Variants in MELK observed in about 807,000 individuals in gnomAD.
MELK encodes maternal embryonic leucine zipper kinase.
A neutral mutation model predicts 85.0 loss-of-function variants in MELK; 81 were observed. The ratio of observed to expected loss-of-function variants is 0.95; its 90% CI spans 0.80 to 1.15. The LOEUF (loss-of-function observed/expected upper bound fraction) is 1.15, where lower values mean the gene tolerates loss of function less well. Among genes scored for constraint, MELK ranks in the 50% most tolerant of loss-of-function variants. The pLI, the probability that MELK is intolerant of heterozygous loss-of-function variation, is 0.00. For missense variants in MELK, 754 were observed against 777.5 expected (o/e 0.97, Z 0.36); for synonymous variants, 252 against 265.0 (o/e 0.95, Z 0.48).
chr9:36,591,083 C>T lies in MELK; in HGVS notation c.261+1431C>T, dbSNP rs1435301268. 2.0e-5 allele frequency among the ~76,000 whole-genome samples: 3 copies of T among 152,042 alleles called. No homozygotes were observed. The East Asian group carries it at 5.8e-4, about 29-fold the overall frequency. On this transcript the variant is annotated intron_variant, in intron 4 of 17. Coordinates refer to ENST00000298048, the MANE Select transcript of MELK (RefSeq NM_014791.4). ...CTCCAGCCTGGGTGACAGAACAAAC[C>T]CCTGTCTCTAAAAAATAAAAACAAA...
At chr9:36,598,158 T>C (rs1177301982) in intron 6 of MELK, among the ~76,000 whole-genome samples, 2 of 152,208 alleles carry the variant, frequency 1.3e-5, no homozygotes, top group Non-Finnish European at 2.9e-5. Flanking sequence ...TGGAACCTTT[T>C]TTCTGGGAAC....
chr9:36,588,468 C>T (rs1357828389), intron 3 of MELK, among the ~76,000 whole-genome samples: 1 of 150,086 alleles, frequency 6.7e-6, no homozygotes, highest in Non-Finnish European at 1.5e-5. Flanking sequence ...CAACCTCCAC[C>T]TCCTGGGTTC....
intron 8 of MELK, among the ~76,000 whole-genome samples, chr9:36,620,138 C>G (rs1451662289): frequency 6.6e-6 from 1 of 152,164 alleles, no homozygotes; most frequent in Admixed American, 6.6e-5. Context: ...CCCTAGCAGT[C>G]AAGCTGGCAG....
chr9:36,627,347 T>G (rs1369053356), intron 8 of MELK, among the ~76,000 whole-genome samples: 1 of 152,124 alleles, frequency 6.6e-6, no homozygotes, highest in East Asian at 1.9e-4. Flanking sequence ...ACAATGAATC[T>G]AAAAAGAAAG....
At chr9:36,581,140 T>G (rs1384525596) in intron 1 of MELK, among the ~76,000 whole-genome samples, 1 of 152,192 alleles carries the variant, frequency 6.6e-6, no homozygotes, top group Non-Finnish European at 1.5e-5. Flanking sequence ...TGCAAGTATC[T>G]TCTCACATTT....
chr9:36,623,363 T>G (rs1468388581), intron 8 of MELK, among the ~76,000 whole-genome samples: 1 of 152,214 alleles, frequency 6.6e-6, no homozygotes, highest in Non-Finnish European at 1.5e-5. Flanking sequence ...TTTGCGCATT[T>G]TAAAGCACGG....
At chr9:36,573,147 C>T (rs1821261047) in intron 1 of MELK, 140 bp downstream of exon 1, 4 of 152,328 alleles carry the variant, frequency 2.6e-5, no homozygotes, top group African/African-American at 9.7e-5. Context: ...CTTTACCAGC[C>T]CTGTTCCCTG....
intron 17 of MELK, 103 bp from the exon 18 acceptor site, chr9:36,677,057 G>T: frequency 1.0e-6 from 1 of 996,590 alleles, no homozygotes. Context: ...TGCTTAATAT[G>T]AAATAATGGT....
chr9:36,607,689 C>T lies in MELK; in HGVS notation c.666+16C>T. ...GAAGATTATGGTGAGTATTACAAGGCATAGAATTTCAATGTAGAACTTTTC... is the reference window on the plus strand; with the variant it reads ...GAAGATTATGGTGAGTATTACAAGGTATAGAATTTCAATGTAGAACTTTTC... On this transcript the variant is annotated intron_variant, in intron 8 of 17. Transcript: ENST00000298048. 1.3e-6 allele frequency: 2 copies of T among 1,520,086 alleles called. No homozygotes were observed. The highest frequency in any genetic ancestry group is 2.3e-5 in the South Asian group (2 of 88,786). 94.2% of individuals were successfully genotyped at this position (1,520,086 alleles called of 1,614,324 possible).
At chr9:36,575,682 C>T (rs760519853) in intron 1 of MELK, among the ~76,000 whole-genome samples, 19 of 152,118 alleles carry the variant, frequency 1.2e-4, no homozygotes, top group Non-Finnish European at 2.4e-4. Context: ...GCTAGTTTTC[C>T]AGAGGCCATG....
At chr9:36,596,837 C>A (rs1229510160) in intron 5 of MELK, among the ~76,000 whole-genome samples, 1 of 146,108 alleles carries the variant, frequency 6.8e-6, no homozygotes, top group East Asian at 2.1e-4. Flanking sequence ...GTGCCTGCCT[C>A]AGCCTCCCAA....
At chr9:36,663,324 C>A (rs1369124119) in intron 13 of MELK, among the ~76,000 whole-genome samples, 1 of 152,148 alleles carries the variant, frequency 6.6e-6, no homozygotes, top group East Asian at 1.9e-4. Flanking sequence ...CAGGTGATCA[C>A]ATGACTTGGC....
intron 12 of MELK, among the ~76,000 whole-genome samples, chr9:36,655,551 A>G (rs988911183): frequency 6.6e-6 from 1 of 152,162 alleles, no homozygotes; most frequent in African/African-American, 2.4e-5. Flanking sequence ...AGAATTTTAG[A>G]CTTTGTTCAA....
intron 8 of MELK, among the ~76,000 whole-genome samples, chr9:36,609,257 A>G (rs1202875493): frequency 2.6e-5 from 4 of 152,208 alleles, no homozygotes; most frequent in Non-Finnish European, 5.9e-5. Flanking sequence ...AAGGGTAAAT[A>G]TTATGGTATG....
intron 3 of MELK, 115 bp downstream of exon 3, chr9:36,583,827 T>TA: frequency 1.4e-6 from 1 of 701,964 alleles, no homozygotes; most frequent in Non-Finnish European, 2.3e-6. Flanking sequence ...TTATACCTTT[T>TA]AAAAAACGTA....
chr9:36,627,503 G>T (rs1026899772), intron 8 of MELK, among the ~76,000 whole-genome samples: 1 of 150,212 alleles, frequency 6.7e-6, no homozygotes, highest in African/African-American at 2.5e-5. Context: ...ATTACCCAGA[G>T]AACCCATTCT....
chr9:36,604,958 A>AT (rs1318345612), intron 7 of MELK, among the ~76,000 whole-genome samples: 1 of 147,552 alleles, frequency 6.8e-6, no homozygotes, highest in African/African-American at 2.5e-5. Context: ...TTATTTATTT[A>AT]TTTTTTTGAG....
chr9:36,640,380 C>T (rs1233307827), intron 10 of MELK, among the ~76,000 whole-genome samples: 1 of 152,162 alleles, frequency 6.6e-6, no homozygotes, highest in East Asian at 1.9e-4. Context: ...TTGCTGTGTC[C>T]TCACGTGGTG....
chr9:36,653,906 G>A (rs1830963568), intron 12 of MELK, among the ~76,000 whole-genome samples: 1 of 152,014 alleles, frequency 6.6e-6, no homozygotes. Context: ...CATCAGTCAT[G>A]TGCTACAGGT....
Sources: allele counts gnomAD v4.1 joint callset (sites outside exome capture counted in the v4.1 genomes callset), GRCh38; gene constraint gnomAD v4.1.1; transcripts MANE v1.5; gene names NCBI Gene and HGNC (gene_info 2026-07-23, HGNC 2026-07-21).